PTPRG: variants seen among roughly 807,000 people sequenced by gnomAD.
PTPRG encodes receptor-type tyrosine-protein phosphatase gamma.
PTPRG carries 102 observed loss-of-function variants against 165.3 expected under a neutral mutation model. That is an observed-to-expected ratio of 0.62 (90% CI 0.53 to 0.73). PTPRG has a LOEUF of 0.73. PTPRG is among the 30% of genes least tolerant of loss of function. The pLI, the probability that PTPRG is intolerant of heterozygous loss-of-function variation, is 0.00. For synonymous variants in PTPRG, 675 were observed against 669.5 expected (o/e 1.01, Z -0.13); for missense variants, 1,866 against 1,861.4 (o/e 1.00, Z -0.05).
At chr3:61,649,082 G>T (rs1198068230) in intron 1 of PTPRG, among the ~76,000 whole-genome samples, 1 of 152,142 alleles carries the variant, frequency 6.6e-6, no homozygotes, top group Non-Finnish European at 1.5e-5. Context: ...ATTGTTACAC[G>T]AGTATGCCGG....
intron 8 of PTPRG, among the ~76,000 whole-genome samples, chr3:62,184,668 C>A (rs547201718): frequency 6.6e-6 from 1 of 152,316 alleles, no homozygotes; most frequent in Admixed American, 6.5e-5. Flanking sequence ...GCATCTCCCC[C>A]ACGGTCGTCT....
intron 14 of PTPRG, among the ~76,000 whole-genome samples, chr3:62,241,084 A>C (rs1701149029): frequency 6.6e-6 from 1 of 152,120 alleles, no homozygotes; most frequent in African/African-American, 2.4e-5. Flanking sequence ...ACTAGGAGGA[A>C]GATTTTGGGT....
At chr3:62,030,577 T>C (rs1699736762) in intron 4 of PTPRG, among the ~76,000 whole-genome samples, 1 of 152,174 alleles carries the variant, frequency 6.6e-6, no homozygotes. Flanking sequence ...GATGTCATCA[T>C]TGATCAATCA....
intron 8 of PTPRG, among the ~76,000 whole-genome samples, chr3:62,169,042 G>A (rs1356993450): frequency 6.6e-6 from 1 of 152,162 alleles, no homozygotes; most frequent in South Asian, 2.1e-4. Context: ...ACGCCATTCT[G>A]CTGTTCTTCT....
In PTPRG at chr3:62,269,185, G is replaced by C. The variant is rs1240749689; in HGVS notation, c.3009+16G>C. On this transcript the variant is annotated intron_variant, in intron 20 of 29. Transcript: ENST00000474889. ...AGTGAAAAAGGTATGGAAGGAATTG[G>C]GTAGGCTGCCAGGGCATCCCCTTTT... is the stretch of plus-strand genomic sequence containing the variant. The C allele has an allele frequency of 1.3e-6, 2 of 1,565,592 alleles. No individual in the cohort carries two copies. Among genetic ancestry groups the C allele is most frequent in the Admixed American group, 3.4e-5 (2 of 58,884 alleles).
chr3:62,175,474 C>G (rs1467699613), intron 8 of PTPRG, among the ~76,000 whole-genome samples: 1 of 152,170 alleles, frequency 6.6e-6, no homozygotes, highest in Non-Finnish European at 1.5e-5. Flanking sequence ...AAAAGAAAGT[C>G]TGGGAAGAGG....
chr3:62,166,314 A>T (rs1162751715), intron 7 of PTPRG, among the ~76,000 whole-genome samples: 2 of 140,598 alleles, frequency 1.4e-5, no homozygotes, highest in Non-Finnish European at 3.0e-5. Flanking sequence ...ATGTAATAGA[A>T]TTACTTTTTT....
intron 1 of PTPRG, among the ~76,000 whole-genome samples, chr3:61,627,682 C>T (rs1701650142): frequency 6.6e-6 from 1 of 152,150 alleles, no homozygotes; most frequent in African/African-American, 2.4e-5. Flanking sequence ...TCAGACTGTT[C>T]ACTTTTTTAA....
chr3:61,575,045 C>T (rs139626991), intron 1 of PTPRG, among the ~76,000 whole-genome samples: 1 of 152,308 alleles, frequency 6.6e-6, no homozygotes, highest in Non-Finnish European at 1.5e-5. Flanking sequence ...CAAATTTCAA[C>T]AAGATTTGGT....
chr3:62,017,832 C>T (rs1283577080), intron 4 of PTPRG, among the ~76,000 whole-genome samples: 1 of 152,140 alleles, frequency 6.6e-6, no homozygotes, highest in African/African-American at 2.4e-5. Flanking sequence ...ATGAGGCCCA[C>T]GTTTTTGAGA....
chr3:61,719,343 C>T (rs545816531), intron 1 of PTPRG, among the ~76,000 whole-genome samples: 10 of 152,284 alleles, frequency 6.6e-5, no homozygotes, highest in South Asian at 4.2e-4. Flanking sequence ...CAAGCCCCTG[C>T]GCCTTGGGCC....
chr3:61,623,999 T>G (rs1701537602), intron 1 of PTPRG, among the ~76,000 whole-genome samples: 2 of 152,176 alleles, frequency 1.3e-5, no homozygotes, highest in Admixed American at 1.3e-4. Flanking sequence ...TGCATTCAGG[T>G]GCTCAGTTTA....
chr3:62,212,881 G>T (rs1216875396), intron 12 of PTPRG, among the ~76,000 whole-genome samples: 1 of 152,154 alleles, frequency 6.6e-6, no homozygotes, highest in African/African-American at 2.4e-5. Context: ...ACTTGGAAGG[G>T]GTGTCAAACC....
At chr3:61,629,552 C>CG (rs1367874870) in intron 1 of PTPRG, among the ~76,000 whole-genome samples, 1 of 152,168 alleles carries the variant, frequency 6.6e-6, no homozygotes, top group East Asian at 1.9e-4. Context: ...TAATTGCTAG[C>CG]TGTTCATCTG....
intron 1 of PTPRG, among the ~76,000 whole-genome samples, chr3:61,607,086 G>A (rs1701031722): frequency 1.3e-5 from 2 of 152,208 alleles, no homozygotes; most frequent in South Asian, 2.1e-4. Context: ...GGTGAGAGAA[G>A]GAGCTTTGGG....
At chr3:61,716,754 C>T (rs1174373465) in intron 1 of PTPRG, among the ~76,000 whole-genome samples, 1 of 152,082 alleles carries the variant, frequency 6.6e-6, no homozygotes, top group Non-Finnish European at 1.5e-5. Context: ...GGGTGGGTCA[C>T]GAGGTCAGGA....
intron 2 of PTPRG, among the ~76,000 whole-genome samples, chr3:61,904,737 A>G (rs1174018087): frequency 6.6e-6 from 1 of 152,216 alleles, no homozygotes; most frequent in African/African-American, 2.4e-5. Context: ...CAGTCTGTAG[A>G]AGCCAAGAAA....
At chr3:61,866,582 C>CTTTTTTTTTTTTTTTTTTTTT (rs532356516) in intron 2 of PTPRG, among the ~76,000 whole-genome samples, 1 of 69,110 alleles carries the variant, frequency 1.4e-5, no homozygotes, top group African/African-American at 4.3e-5. Flanking sequence ...ACTGTTTGCT[C>CTTTTTTTTTTTTTTTTTTTTT]TTTTTTTTTT....
chr3:61,600,981 G>A (rs1405400954), intron 1 of PTPRG, among the ~76,000 whole-genome samples: 3 of 152,228 alleles, frequency 2.0e-5, no homozygotes, highest in African/African-American at 7.2e-5. Flanking sequence ...TGGGCCAGAT[G>A]TGGTGGCTCA....
Sources: gnomAD v4.1 joint callset for allele counts (sites outside exome capture counted in the v4.1 genomes callset) on GRCh38, gnomAD v4.1.1 for gene constraint, MANE v1.5 for transcripts, NCBI Gene and HGNC (gene_info 2026-07-23, HGNC 2026-07-21) for gene names.